The following UTS2B variants were observed in gnomAD, a reference collection of about 807,000 sequenced individuals.
The protein encoded by UTS2B is urotensin 2B.
A neutral mutation model predicts 19.2 loss-of-function variants in UTS2B; 21 were observed. The ratio of observed to expected loss-of-function variants is 1.09; its 90% CI spans 0.78 to 1.58. The LOEUF is 1.58. Ranked by LOEUF, UTS2B falls within the 40% of genes most tolerant of loss-of-function variation. The pLI is 0.00. For synonymous variants in UTS2B, 57 were observed against 50.2 expected, an observed-to-expected ratio of 1.14 and a Z score of -0.58; for missense variants, 138 against 130.3, an observed-to-expected ratio of 1.06 and a Z score of -0.29.
the UTS2B span, among the ~76,000 whole-genome samples, chr3:191,336,607 AC>A: frequency 6.6e-6 from 1 of 152,042 alleles, no homozygotes; most frequent in African/African-American, 2.4e-5. Context: ...GCTTTTAAAA[AC>A]CTTAGTTCAA....
At chr3:191,319,734 G>C (rs370407534) in intron 2 of UTS2B, among the ~76,000 whole-genome samples, 2 of 151,384 alleles carry the variant, frequency 1.3e-5, no homozygotes, top group East Asian at 1.9e-4. Flanking sequence ...CAGGTGTGGT[G>C]GCGGGTGCCT....
At chr3:191,330,296 A>AACACACAC (rs3048670) in intron 1 of UTS2B, 118 bp downstream of exon 1, 3,419 of 137,122 alleles carry the variant, frequency 0.025, 50 homozygotes, top group Non-Finnish European at 0.034. Flanking sequence ...TTACAAACAA[A>AACACACAC]ACACACACAC....
intron 2 of UTS2B, among the ~76,000 whole-genome samples, chr3:191,320,248 A>C (rs998546811): frequency 6.6e-6 from 1 of 152,238 alleles, no homozygotes; most frequent in Non-Finnish European, 1.5e-5. Context: ...ACTTGAATAA[A>C]ATTGGAGGAG....
chr3:191,270,144 A>C (rs1716047286), intron 8 of UTS2B, among the ~76,000 whole-genome samples: 1 of 152,194 alleles, frequency 6.6e-6, no homozygotes, highest in African/African-American at 2.4e-5. Flanking sequence ...GGTCTATTTC[A>C]TCCTCATATA....
intron 2 of UTS2B, among the ~76,000 whole-genome samples, chr3:191,321,531 G>A (rs16866482): frequency 0.061 from 9,349 of 152,080 alleles, 967 homozygotes; most frequent in African/African-American, 0.21. Context: ...TTTACTTTTC[G>A]CAATGATTCC....
upstream of UTS2B, among the ~76,000 whole-genome samples, chr3:191,334,257 G>A (rs1236109053): frequency 6.6e-6 from 1 of 152,086 alleles, no homozygotes; most frequent in Non-Finnish European, 1.5e-5. Flanking sequence ...AGAACTGTCT[G>A]AATTCATATG....
At chr3:191,271,376 A>T (rs1716089819) in intron 8 of UTS2B, among the ~76,000 whole-genome samples, 1 of 152,002 alleles carries the variant, frequency 6.6e-6, no homozygotes, top group African/African-American at 2.4e-5. Context: ...TGAGTTAGAG[A>T]GATGGATTTG....
intron 3 of UTS2B, among the ~76,000 whole-genome samples, chr3:191,305,269 T>G (rs1176438199): frequency 6.6e-6 from 1 of 152,236 alleles, no homozygotes; most frequent in African/African-American, 2.4e-5. Flanking sequence ...GTTGAACTAA[T>G]GTACACTCCC....
chr3:191,336,240 T>C, the UTS2B span, among the ~76,000 whole-genome samples: 1 of 152,096 alleles, frequency 6.6e-6, no homozygotes, highest in Non-Finnish European at 1.5e-5. Context: ...TGTCAAACTG[T>C]TTTTCAAAAT....
At chr3:191,323,339 T>G (rs1717660538) in intron 2 of UTS2B, among the ~76,000 whole-genome samples, 1 of 152,064 alleles carries the variant, frequency 6.6e-6, no homozygotes, top group Admixed American at 6.6e-5. Flanking sequence ...CAGCTAATTC[T>G]TGTATTTTTA....
intron 4 of UTS2B, among the ~76,000 whole-genome samples, chr3:191,299,834 ACGGGGGCTG>A (rs1716947998): frequency 6.6e-6 from 1 of 152,238 alleles, no homozygotes; most frequent in Non-Finnish European, 1.5e-5. Context: ...GAGAGCAGCC[ACGGGGGCTG>A]AACCCTGCAA....
chr3:191,329,433 G>A lies in UTS2B; in HGVS notation c.-664-724C>T, dbSNP rs1717862518. 1.1e-5 allele frequency: 5 copies of A among 449,760 alleles called. No individual in the cohort carries two copies. In the South Asian group the frequency reaches 2.2e-4, roughly 20 times the overall value. The allele number at this position is 449,760 out of a possible 1,614,324, so 27.9% of individuals were successfully genotyped here. A position where few individuals can be genotyped will look rare whatever the true frequency, so the allele number is the denominator to read the frequency against. ...GATATTTGGTATCGATTGGGGCCGG[G>A]GACGCGGAGCAGGTGGCCGCGGCGG... On this transcript the variant is annotated intron_variant, in intron 1 of 8. Transcript: ENST00000340524.
intron 3 of UTS2B, among the ~76,000 whole-genome samples, chr3:191,309,732 C>G (rs866984990): frequency 2.0e-5 from 3 of 151,972 alleles, no homozygotes; most frequent in Non-Finnish European, 2.9e-5. Flanking sequence ...TCTGGTAATA[C>G]GAAAGCATGT....
At chr3:191,307,943 C>A (rs1276077799) in intron 3 of UTS2B, among the ~76,000 whole-genome samples, 1 of 150,396 alleles carries the variant, frequency 6.6e-6, no homozygotes, top group African/African-American at 2.5e-5. Flanking sequence ...TAAAGCAATT[C>A]TCCTGCCTCA....
At chr3:191,307,422 A>G (rs1169171546) in intron 3 of UTS2B, among the ~76,000 whole-genome samples, 2 of 152,254 alleles carry the variant, frequency 1.3e-5, no homozygotes, top group Non-Finnish European at 2.9e-5. Context: ...AAAGGCACAA[A>G]GAAGCATAAG....
intron 2 of UTS2B, among the ~76,000 whole-genome samples, chr3:191,320,474 C>T (rs886914711): frequency 7.2e-5 from 11 of 152,118 alleles, no homozygotes; most frequent in Admixed American, 4.6e-4. Flanking sequence ...GATGAGATAC[C>T]GTCCAAGGTT....
the UTS2B span, among the ~76,000 whole-genome samples, chr3:191,337,675 C>A: frequency 1.3e-5 from 2 of 151,930 alleles, no homozygotes. Flanking sequence ...AATTACACTC[C>A]GGTAAATTTC....
At chr3:191,286,347 A>G (rs1372066896) in intron 4 of UTS2B, among the ~76,000 whole-genome samples, 2 of 152,212 alleles carry the variant, frequency 1.3e-5, no homozygotes, top group Non-Finnish European at 2.9e-5. Flanking sequence ...GTGCATGCCA[A>G]ATATTCTCCA....
chr3:191,345,286 A>T, the UTS2B span, among the ~76,000 whole-genome samples: 1 of 152,226 alleles, frequency 6.6e-6, no homozygotes, highest in African/African-American at 2.4e-5. Flanking sequence ...GCTTTAACAC[A>T]GGAAGCTTAT....
Sources: gnomAD v4.1 joint callset for allele counts (sites outside exome capture counted in the v4.1 genomes callset) on GRCh38, gnomAD v4.1.1 for gene constraint, MANE v1.5 for transcripts, NCBI Gene and HGNC (gene_info 2026-07-23, HGNC 2026-07-21) for gene names.